Variants in GLRA2 observed in about 807,000 individuals in gnomAD.
The protein encoded by GLRA2 is glycine receptor alpha 2, also known as glycine receptor subunit alpha-2.
GLRA2 carries 11 observed loss-of-function variants against 31.6 expected under a neutral mutation model. That is an observed-to-expected ratio of 0.35 (90% CI 0.22 to 0.58). GLRA2 has a LOEUF of 0.58. GLRA2 is among the 20% of genes least tolerant of loss of function. The probability of loss-of-function intolerance (pLI) is 0.84; values close to 1 mark genes in which losing one functional copy is unlikely to be tolerated. For synonymous variants in GLRA2, 132 were observed against 134.0 expected (o/e 0.99, Z 0.10); for missense variants, 212 against 351.8 (o/e 0.60, Z 3.18).
At chrX:14,679,461 C>T (rs978007716) in intron 7 of GLRA2, among the ~76,000 whole-genome samples, 1 of 110,039 alleles carries the variant, frequency 9.1e-6, no homozygotes, top group African/African-American at 3.3e-5. Flanking sequence ...ACACCTTATA[C>T]ATCTATACTC....
chrX:14,493,522 CACATATATACACATATATATACTTATAT>C, the GLRA2 span, among the ~76,000 whole-genome samples: 1 of 101,961 alleles, frequency 9.8e-6, no homozygotes, highest in South Asian at 4.0e-4. Flanking sequence ...TATATATACA[CACATATATACACATATATATACTTATAT>C]ACATATATAC....
intron 7 of GLRA2, among the ~76,000 whole-genome samples, chrX:14,668,051 G>A (rs2091052692): frequency 1.8e-5 from 2 of 111,816 alleles, no homozygotes; most frequent in Non-Finnish European, 1.9e-5. Flanking sequence ...CTCACATGAA[G>A]GCTCAACTAG....
chrX:14,576,951 T>C (rs1405142295), intron 3 of GLRA2, among the ~76,000 whole-genome samples: 1 of 113,150 alleles, frequency 8.8e-6, no homozygotes, highest in Non-Finnish European at 1.9e-5. Context: ...GCTTTAAAAA[T>C]ATATTTTGTT....
chrX:14,493,651 A>G, the GLRA2 span, among the ~76,000 whole-genome samples: 2 of 101,278 alleles, frequency 2.0e-5, no homozygotes, highest in East Asian at 3.0e-4. Flanking sequence ...ATATATATAC[A>G]TATGTACACA....
At chrX:14,691,967 C>G (rs1378759494) in intron 8 of GLRA2, among the ~76,000 whole-genome samples, 1 of 112,011 alleles carries the variant, frequency 8.9e-6, no homozygotes, top group East Asian at 2.8e-4. Context: ...GGAATGAAAA[C>G]AAAAATATTT....
At chrX:14,494,095 T>C in the GLRA2 span, among the ~76,000 whole-genome samples, 4 of 111,242 alleles carry the variant, frequency 3.6e-5, no homozygotes, top group African/African-American at 9.8e-5. Context: ...TACTAAATAA[T>C]TTAACTTATA....
chrX:14,556,667 C>G (rs182986624), intron 2 of GLRA2, among the ~76,000 whole-genome samples: 1 of 112,182 alleles, frequency 8.9e-6, no homozygotes, highest in East Asian at 2.8e-4. Flanking sequence ...ATAAACTGTT[C>G]ACTTTAAGGT....
intron 7 of GLRA2, among the ~76,000 whole-genome samples, chrX:14,662,073 A>T (rs2090996807): frequency 9.1e-6 from 1 of 110,052 alleles, no homozygotes; most frequent in South Asian, 4.0e-4. Flanking sequence ...GCTCCTATTT[A>T]AGAAAGGGAA....
intron 7 of GLRA2, among the ~76,000 whole-genome samples, chrX:14,662,561 T>G (rs1367040678): frequency 8.9e-6 from 1 of 111,820 alleles, no homozygotes; most frequent in Non-Finnish European, 1.9e-5. Context: ...CTTTAAAGGT[T>G]TAGGCACACA....
intron 7 of GLRA2, among the ~76,000 whole-genome samples, chrX:14,662,921 T>G (rs867209503): frequency 1.8e-5 from 2 of 112,124 alleles, no homozygotes; most frequent in African/African-American, 3.2e-5. Context: ...TCATTATATT[T>G]TGTATGAATA....
intron 8 of GLRA2, among the ~76,000 whole-genome samples, chrX:14,693,594 C>T (rs1446479908): frequency 8.9e-6 from 1 of 111,945 alleles, no homozygotes; most frequent in Non-Finnish European, 1.9e-5. Flanking sequence ...GGATATAAAA[C>T]ATTTAACAAC....
intron 8 of GLRA2, among the ~76,000 whole-genome samples, chrX:14,704,000 A>C (rs932926245): frequency 9.0e-6 from 1 of 111,710 alleles, no homozygotes; most frequent in Non-Finnish European, 1.9e-5. Context: ...AAACAAACTA[A>C]GGTGCAATGC....
At chrX:14,691,324 T>TGCGC (rs1556085781) in intron 8 of GLRA2, among the ~76,000 whole-genome samples, 2 of 64,345 alleles carry the variant, frequency 3.1e-5, no homozygotes, top group African/African-American at 6.6e-5. Context: ...TGTGTGTGTG[T>TGCGC]GCGCGCGTGC....
chrX:14,555,863 T>C (rs374119864), intron 2 of GLRA2, among the ~76,000 whole-genome samples: 2 of 112,170 alleles, frequency 1.8e-5, no homozygotes, highest in East Asian at 5.6e-4. Context: ...ATAGCATTTA[T>C]TGAACATTTA....
chrX:14,572,400 G>A (rs1023987356), intron 2 of GLRA2, among the ~76,000 whole-genome samples: 2 of 111,816 alleles, frequency 1.8e-5, no homozygotes, highest in African/African-American at 6.5e-5. Context: ...GGATGATCTC[G>A]AAGGAAATAT....
At chrX:14,681,902 A>T (rs1335619655) in intron 7 of GLRA2, among the ~76,000 whole-genome samples, 1 of 37,659 alleles carries the variant, frequency 2.7e-5, no homozygotes, top group African/African-American at 8.3e-5. Context: ...AAAAAAAAAA[A>T]AAAAAAAAAT....
At chrX:14,641,145 T>A (rs1289923994) in intron 7 of GLRA2, among the ~76,000 whole-genome samples, 4 of 111,613 alleles carry the variant, frequency 3.6e-5, no homozygotes, top group Non-Finnish European at 7.5e-5. Flanking sequence ...AAACACCTTA[T>A]CACATGCTCA....
At chrX:14,548,750 G>A (rs1235267161) in intron 2 of GLRA2, among the ~76,000 whole-genome samples, 2 of 111,630 alleles carry the variant, frequency 1.8e-5, no homozygotes, top group Non-Finnish European at 3.8e-5. Flanking sequence ...AAAACCAAAG[G>A]CGCATAAATC....
rs1017264775 is a variant in GLRA2 at position 14,670,417 on chromosome X, G to C, written c.931-20293G>C. Among the ~76,000 whole-genome samples, 3 of 111,777 alleles carry C rather than the reference G, an allele frequency of 2.7e-5. No homozygotes were observed. The Admixed American group carries it at 2.9e-4, about 11-fold the overall frequency. ...TCTATTGTACCAGTTTACTGTATTA[G>C]TTTGTTTTCACACTGCTGATAAAGA... On this transcript the variant is annotated intron_variant, in intron 7 of 8. Coordinates refer to ENST00000218075, the MANE Select transcript of GLRA2 (RefSeq NM_002063.4).
Sources: allele counts gnomAD v4.1 joint callset (sites outside exome capture counted in the v4.1 genomes callset), GRCh38; gene constraint gnomAD v4.1.1; transcripts MANE v1.5; gene names NCBI Gene and HGNC (gene_info 2026-07-23, HGNC 2026-07-21).